CNGB3: variants seen among roughly 807,000 people sequenced by gnomAD.
CNGB3 encodes cyclic nucleotide-gated channel beta-3.
In CNGB3, 86 loss-of-function variants were observed where a neutral mutation model predicts 92.8. That is an observed-to-expected ratio of 0.93 (90% CI 0.78 to 1.11). The LOEUF (loss-of-function observed/expected upper bound fraction) is 1.11. CNGB3 is among the 50% of genes least tolerant of loss of function. The pLI, the probability that CNGB3 is intolerant of heterozygous loss-of-function variation, is 0.00. For missense variants in CNGB3, 1,026 were observed against 956.8 expected (o/e 1.07, Z -0.95); for synonymous variants, 333 against 332.7 (o/e 1.00, Z -0.01).
chr8:86,730,427 G>A (rs528224947), intron 2 of CNGB3, among the ~76,000 whole-genome samples: 1 of 152,266 alleles, frequency 6.6e-6, no homozygotes, highest in South Asian at 2.1e-4. Flanking sequence ...AGAATCTTTG[G>A]TGTGGGGGAT....
At chr8:86,659,646 C>G in intron 6 of CNGB3, 1 of 491,836 alleles carries the variant, frequency 2.0e-6, no homozygotes. Flanking sequence ...GGCAGCTGGC[C>G]AGATCCTTTG....
chr8:86,580,190 C>CA (rs1554604958), intron 15 of CNGB3, among the ~76,000 whole-genome samples: 3 of 45,044 alleles, frequency 6.7e-5, no homozygotes, highest in Non-Finnish European at 1.5e-4. Flanking sequence ...GAGAATAGCA[C>CA]GGGGGGGGTG....
chr8:86,692,826 T>C (rs1005016820), intron 3 of CNGB3, among the ~76,000 whole-genome samples: 3 of 152,126 alleles, frequency 2.0e-5, no homozygotes, highest in African/African-American at 7.2e-5. Flanking sequence ...ATAGATTCTG[T>C]GAAGTTTTTG....
intron 11 of CNGB3, among the ~76,000 whole-genome samples, chr8:86,629,651 A>T (rs527948709): frequency 6.6e-5 from 10 of 152,304 alleles, no homozygotes; most frequent in African/African-American, 2.4e-4. Context: ...TTGTTTAGAC[A>T]GATAAAATCA....
At chr8:86,703,425 C>T (rs942341533) in intron 3 of CNGB3, among the ~76,000 whole-genome samples, 2 of 152,144 alleles carry the variant, frequency 1.3e-5, no homozygotes, top group African/African-American at 2.4e-5. Context: ...TGGGTGCACA[C>T]AATATAATTC....
intron 3 of CNGB3, among the ~76,000 whole-genome samples, chr8:86,673,270 G>A (rs1163080538): frequency 1.3e-5 from 2 of 152,204 alleles, no homozygotes; most frequent in African/African-American, 4.8e-5. Context: ...GGGCTTTGTA[G>A]AGGAAGTACA....
At position 86,629,033 on chromosome 8, in the gene CNGB3, G is replaced by T; in HGVS notation, c.1366C>A (p.Arg456Ser). The stretch of plus-strand genomic sequence containing the variant: ...GCAATGGTGTCATCCATGCAGGCGC[G>T]GAAGTAGTTCTGATTGGCTGTAGCT... The part of the protein sequence containing the change: ...GAATANQNYF[R>S]ACMDDTIAYM... Residue 456 changes from arginine (R) to serine (S), a missense_variant, in exon 12 of 18, where the codon CGC (arginine) becomes AGC (serine). Transcript: ENST00000320005. 6.2e-7 allele frequency: 1 copy of T among 1,613,988 alleles called. No individual in the cohort carries two copies. Among genetic ancestry groups the T allele is most frequent in the Non-Finnish European group, 8.5e-7 (1 of 1,179,944 alleles).
chr8:86,729,702 A>T (rs562454362), intron 2 of CNGB3, among the ~76,000 whole-genome samples: 1 of 152,374 alleles, frequency 6.6e-6, no homozygotes, highest in Admixed American at 6.5e-5. Context: ...GTGTCTTTTT[A>T]TCCATGCAAC....
chr8:86,620,975 GA>G (rs1446376929), intron 13 of CNGB3, among the ~76,000 whole-genome samples: 1 of 152,026 alleles, frequency 6.6e-6, no homozygotes, highest in Non-Finnish European at 1.5e-5. Flanking sequence ...ATCTTTAACA[GA>G]AATGTCAGGA....
intron 13 of CNGB3, among the ~76,000 whole-genome samples, chr8:86,616,636 A>C (rs1456284650): frequency 1.3e-5 from 2 of 152,136 alleles, no homozygotes; most frequent in African/African-American, 4.8e-5. Context: ...TCTTTTTTCT[A>C]TAAAGTGAGA....
chr8:86,667,195 TG>T, intron 5 of CNGB3, 62 bp from the exon 6 acceptor site: 1 of 1,464,632 alleles, frequency 6.8e-7, no homozygotes, highest in Non-Finnish European at 9.5e-7. Context: ...AGAATTCTGT[TG>T]CTTAGTTTGG....
chr8:86,626,392 C>T (rs976236845), intron 12 of CNGB3, among the ~76,000 whole-genome samples: 1 of 152,124 alleles, frequency 6.6e-6, no homozygotes, highest in Non-Finnish European at 1.5e-5. Context: ...GGCTAGTGAA[C>T]AAGCTAGCAT....
At chr8:86,642,858 G>A (rs187155745) in intron 10 of CNGB3, among the ~76,000 whole-genome samples, 20 of 151,358 alleles carry the variant, frequency 1.3e-4, no homozygotes, top group African/African-American at 3.1e-4. Flanking sequence ...TATGATCCTC[G>A]TTACTCTCTA....
intron 7 of CNGB3, among the ~76,000 whole-genome samples, chr8:86,649,240 C>T (rs62528586): frequency 2.0e-5 from 3 of 151,576 alleles, no homozygotes; most frequent in African/African-American, 7.3e-5. Flanking sequence ...AATGACGATA[C>T]TGCCAAAAGC....
chr8:86,588,600 C>A (rs28759976), intron 15 of CNGB3, among the ~76,000 whole-genome samples: 8 of 149,736 alleles, frequency 5.3e-5, no homozygotes, highest in Non-Finnish European at 7.4e-5. Context: ...GATAATCATG[C>A]GGTTTTTGTC....
At chr8:86,724,335 T>C (rs1825021334) in intron 3 of CNGB3, among the ~76,000 whole-genome samples, 1 of 152,178 alleles carries the variant, frequency 6.6e-6, no homozygotes, top group Non-Finnish European at 1.5e-5. Context: ...CTGATTATTC[T>C]TGCTTTTATC....
At chr8:86,587,869 G>C (rs919959215) in intron 15 of CNGB3, among the ~76,000 whole-genome samples, 6 of 152,138 alleles carry the variant, frequency 3.9e-5, no homozygotes, top group African/African-American at 1.4e-4. Flanking sequence ...TTCCAATTCT[G>C]TGATGAAACG....
chr8:86,727,997 T>A (rs1188909423), intron 2 of CNGB3, among the ~76,000 whole-genome samples: 2 of 152,096 alleles, frequency 1.3e-5, no homozygotes, highest in Non-Finnish European at 2.9e-5. Flanking sequence ...ATCAAAAAAT[T>A]GAGTCACTCC....
chr8:86,683,441 T>A (rs1320616846), intron 3 of CNGB3, among the ~76,000 whole-genome samples: 2 of 152,102 alleles, frequency 1.3e-5, no homozygotes, highest in Non-Finnish European at 2.9e-5. Context: ...TAGAAGTAGG[T>A]TAACAAAAAA....
Sources: gnomAD v4.1 joint callset for allele counts (sites outside exome capture counted in the v4.1 genomes callset) on GRCh38, gnomAD v4.1.1 for gene constraint, MANE v1.5 for transcripts, NCBI Gene and HGNC (gene_info 2026-07-23, HGNC 2026-07-21) for gene names.